KAZN: variants seen among roughly 807,000 people sequenced by gnomAD.
KAZN encodes kazrin, periplakin interacting protein.
Under a neutral mutation model 87.4 loss-of-function variants are expected in KAZN, and 40 were observed. The ratio of observed to expected loss-of-function variants is 0.46; its 90% CI spans 0.36 to 0.60. KAZN has a LOEUF of 0.60. Ranked by LOEUF, KAZN falls within the 20% of genes least tolerant of loss-of-function variation. The pLI is 0.00. For synonymous variants in KAZN, 466 were observed against 458.3 expected (o/e 1.02, Z -0.22); for missense variants, 898 against 1,073.9 (o/e 0.84, Z 2.29).
chr1:14,334,077 C>A (rs820625), intron 2 of KAZN, among the ~76,000 whole-genome samples: 1 of 150,968 alleles, frequency 6.6e-6, no homozygotes, highest in African/African-American at 2.5e-5. Flanking sequence ...AATGGGAAGT[C>A]GGCCAGCCCA....
At chr1:14,908,804 C>T (rs1399807554) in intron 1 of KAZN, among the ~76,000 whole-genome samples, 1 of 152,130 alleles carries the variant, frequency 6.6e-6, no homozygotes, top group Non-Finnish European at 1.5e-5. Flanking sequence ...CACGTGAGGT[C>T]AGGAATTCAA....
intron 1 of KAZN, among the ~76,000 whole-genome samples, chr1:14,740,191 C>T (rs1324748407): frequency 6.6e-6 from 1 of 152,186 alleles, no homozygotes; most frequent in South Asian, 2.1e-4. Context: ...GTGGCTTAGA[C>T]ATCCCTGGAG....
intron 2 of KAZN, among the ~76,000 whole-genome samples, chr1:14,968,076 A>AT (rs1404977685): frequency 6.6e-6 from 1 of 152,120 alleles, no homozygotes; most frequent in East Asian, 1.9e-4. Context: ...TTATTATTAC[A>AT]TTGTAATATA....
intron 1 of KAZN, among the ~76,000 whole-genome samples, chr1:14,940,520 A>G (rs907844449): frequency 3.9e-5 from 6 of 152,208 alleles, no homozygotes; most frequent in Admixed American, 1.3e-4. Context: ...CAGCCAGGGC[A>G]GAGTAGAATG....
At chr1:14,733,197 T>G (rs1643757720) in intron 1 of KAZN, among the ~76,000 whole-genome samples, 1 of 152,230 alleles carries the variant, frequency 6.6e-6, no homozygotes, top group South Asian at 2.1e-4. Context: ...GCCCCAGGCT[T>G]GGTAATTAAG....
rs1669224603 is a variant in KAZN at position 14,484,082 on chromosome 1, GATTT to G, written c.250-114896_250-114893del. Among the ~76,000 whole-genome samples, 2 of 152,130 alleles carry G rather than the reference GATTT, an allele frequency of 1.3e-5. 1 individual carries two copies. The highest frequency in any genetic ancestry group is 4.1e-4 in the South Asian group (2 of 4,820). On this transcript the variant is annotated intron_variant, in intron 2 of 16. Coordinates refer to the KAZN transcript ENST00000636203. ...AAAATTGATTGACCATAGATGCATG[GATTT>G]ATTTCGGAGCTTTCTATTCTGTTCT...
intron 1 of KAZN, among the ~76,000 whole-genome samples, chr1:14,918,185 G>A (rs964905496): frequency 1.3e-5 from 2 of 152,148 alleles, no homozygotes; most frequent in Non-Finnish European, 2.9e-5. Context: ...CCAAGATCTA[G>A]ATGCACTTCT....
At chr1:14,896,168 C>G (rs1655253752) in intron 1 of KAZN, among the ~76,000 whole-genome samples, 1 of 151,640 alleles carries the variant, frequency 6.6e-6, no homozygotes, top group Admixed American at 6.6e-5. Flanking sequence ...GATTCTCCTG[C>G]CTCAGCCTCC....
At position 14,086,438 on chromosome 1, in the gene KAZN, G is replaced by T. The variant is rs545454390; in HGVS notation, c.92-93997G>T. On this transcript the variant is annotated intron_variant, in intron 1 of 16. Coordinates refer to the KAZN transcript ENST00000636203. ...CATTATTCAGCTCCCACTTATAAGT[G>T]AGACCATATGGTAGGTATTTGGTTC... Among the ~76,000 whole-genome samples the T allele has an allele frequency of 6.3e-4, 96 of 152,240 alleles. 1 individual carries two copies. The highest frequency in any genetic ancestry group is 1.5e-3 in the East Asian group (8 of 5,170).
rs982024908 is a variant in KAZN, at chr1:15,103,228, C to T, written c.1780-131C>T. The stretch of plus-strand genomic sequence containing the variant: ...GTTGCAGTGAGCACAGATAGCACCA[C>T]TGCACTCATGCCTGGGCAGCAGAGA... On this transcript the variant is annotated intron_variant, in intron 11 of 14. Transcript: ENST00000376030. 6 of 669,312 alleles carry T rather than the reference C, an allele frequency of 9.0e-6. No homozygotes were observed. The African/African-American group carries it at 1.1e-4, about 12-fold the overall frequency. The allele number at this position is 669,312 out of a possible 1,614,324, so 41.5% of individuals were successfully genotyped here.
intron 1 of KAZN, among the ~76,000 whole-genome samples, chr1:14,604,800 A>G (rs1320679933): frequency 6.6e-6 from 1 of 152,322 alleles, no homozygotes; most frequent in East Asian, 1.9e-4. Flanking sequence ...ACCTCAGCAC[A>G]GGAGCTCAGA....
intron 1 of KAZN, among the ~76,000 whole-genome samples, chr1:14,082,692 A>T (rs949744085): frequency 6.6e-6 from 1 of 152,110 alleles, no homozygotes; most frequent in Admixed American, 6.5e-5. Flanking sequence ...CCTGGACCTC[A>T]CTTTTCCTGA....
At chr1:14,426,664 T>C (rs1043285021) in intron 2 of KAZN, among the ~76,000 whole-genome samples, 4 of 152,190 alleles carry the variant, frequency 2.6e-5, no homozygotes, top group Admixed American at 2.6e-4. Flanking sequence ...CTTCTGTGCT[T>C]AAGCCTGCAG....
chr1:15,094,095 C>A lies in KAZN; in HGVS notation c.1223-85C>A. 1.6e-6 allele frequency: 2 copies of A among 1,250,364 alleles called. No individual in the cohort carries two copies. The highest frequency in any genetic ancestry group is 2.3e-6 in the Non-Finnish European group (2 of 885,626). The allele number at this position is 1,250,364 out of a possible 1,614,324, so 77.5% of individuals were successfully genotyped here. ...ATGGAGGGGAGGATGTCCCCACCACCCTCTGCCTCCCGGGGGTATGGCCTG... is the reference window on the plus strand; with the variant it reads ...ATGGAGGGGAGGATGTCCCCACCACACTCTGCCTCCCGGGGGTATGGCCTG... On this transcript the variant is annotated intron_variant, in intron 8 of 14. Coordinates refer to ENST00000376030, the MANE Select transcript of KAZN (RefSeq NM_201628.3). This position sits in a 1 kb window ranked among gnomAD's most constrained non-coding sequence, Gnocchi z 4.5.
At chr1:14,728,289 T>TAAAAAA (rs55745144) in intron 1 of KAZN, among the ~76,000 whole-genome samples, 17 of 29,734 alleles carry the variant, frequency 5.7e-4, no homozygotes, top group Non-Finnish European at 8.7e-4. Context: ...ACCGTATATA[T>TAAAAAA]AAAAAAAAAA....
chr1:14,011,080 C>T (rs1413376999), intron 1 of KAZN, among the ~76,000 whole-genome samples: 2 of 152,180 alleles, frequency 1.3e-5, no homozygotes, highest in Non-Finnish European at 2.9e-5. Context: ...ACATCTCACC[C>T]CATCTTGGGA....
intron 3 of KAZN, among the ~76,000 whole-genome samples, chr1:15,040,948 T>C (rs77522067): frequency 0.15 from 22,981 of 151,716 alleles, 1,899 homozygotes; most frequent in Admixed American, 0.21. Context: ...TTTTTTGTTT[T>C]TTGTTTTTTT....
chr1:14,416,948 A>G (rs1050146863), intron 2 of KAZN, among the ~76,000 whole-genome samples: 4 of 150,224 alleles, frequency 2.7e-5, no homozygotes, highest in East Asian at 3.9e-4. Context: ...GTGAGCGTGT[A>G]TATGTGTATG....
At chr1:14,643,120 A>G (rs1680533724) in intron 1 of KAZN, among the ~76,000 whole-genome samples, 1 of 152,252 alleles carries the variant, frequency 6.6e-6, no homozygotes, top group South Asian at 2.1e-4. Context: ...ATTCTTCAGC[A>G]AATGAACAGA....
Sources: gnomAD v4.1 joint callset for allele counts (sites outside exome capture counted in the v4.1 genomes callset) on GRCh38, gnomAD v4.1.1 for gene constraint, Gnocchi (gnomAD v3.1) non-coding constraint, MANE v1.5 for transcripts, NCBI Gene and HGNC (gene_info 2026-07-23, HGNC 2026-07-21) for gene names.